The following ACMSD variants were observed in gnomAD, a reference collection of about 807,000 sequenced individuals.
The protein encoded by ACMSD is 2-amino-3-carboxymuconate-6-semialdehyde decarboxylase.
ACMSD carries 37 observed loss-of-function variants against 45.9 expected under a neutral mutation model. That is an observed-to-expected ratio of 0.81 (90% CI 0.62 to 1.06). ACMSD has a LOEUF of 1.06. Among genes scored for constraint, ACMSD ranks in the 50% least tolerant of loss-of-function variants. The pLI, the probability that ACMSD is intolerant of heterozygous loss-of-function variation, is 0.00. For synonymous variants in ACMSD, 138 were observed against 148.8 expected (o/e 0.93, Z 0.53); for missense variants, 434 against 420.9 (o/e 1.03, Z -0.27).
At chr2:134,875,897 C>G (rs923662818) in intron 8 of ACMSD, among the ~76,000 whole-genome samples, 2 of 152,192 alleles carry the variant, frequency 1.3e-5, no homozygotes, top group South Asian at 4.1e-4. Context: ...TGCCCTTACA[C>G]AAACTTTTAT....
chr2:134,863,790 C>A (rs1039992997), intron 5 of ACMSD, among the ~76,000 whole-genome samples, 159 bp downstream of exon 5: 1 of 152,026 alleles, frequency 6.6e-6, no homozygotes, highest in Non-Finnish European at 1.5e-5. Context: ...GAAATAGCCC[C>A]CGCAAAGGAG....
rs936514207 is a variant in ACMSD, at chr2:134,889,882, A to G, written c.850-8459A>G. Among the ~76,000 whole-genome samples the G allele has an allele frequency of 7.2e-5, 11 of 152,250 alleles. No individual in the cohort carries two copies. In the South Asian group the frequency reaches 1.9e-3, roughly 26 times the overall value. On this transcript the variant is annotated intron_variant, in intron 8 of 9. Transcript: ENST00000356140. Reference sequence around the variant, plus strand: ...GAATTATAACCAATTGGATAAAATTAAGTCCATGAGTCCAAAATGATATAA... The same window carrying G: ...GAATTATAACCAATTGGATAAAATTGAGTCCATGAGTCCAAAATGATATAA...
chr2:134,892,755 T>C (rs1201341280), intron 8 of ACMSD, among the ~76,000 whole-genome samples: 1 of 151,994 alleles, frequency 6.6e-6, no homozygotes, highest in Non-Finnish European at 1.5e-5. Flanking sequence ...AGAATGAAGG[T>C]GGATCAAGGT....
intron 7 of ACMSD, among the ~76,000 whole-genome samples, 193 bp from the exon 8 acceptor site, chr2:134,872,276 G>C (rs1315492529): frequency 6.6e-6 from 1 of 152,078 alleles, no homozygotes; most frequent in East Asian, 1.9e-4. Flanking sequence ...TCTTTAAGAT[G>C]AATTTCTCAA....
intron 8 of ACMSD, among the ~76,000 whole-genome samples, chr2:134,885,308 T>C (rs1489952869): frequency 3.1e-5 from 3 of 96,948 alleles, no homozygotes; most frequent in Non-Finnish European, 5.5e-5. Flanking sequence ...TATATTTAAA[T>C]ATATATATAT....
chr2:134,844,145 T>TACTA, intron 1 of ACMSD, among the ~76,000 whole-genome samples: 1 of 152,254 alleles, frequency 6.6e-6, no homozygotes, highest in Non-Finnish European at 1.5e-5. Flanking sequence ...CAATAGTTAT[T>TACTA]TGAGTCATAC....
At chr2:134,883,409 C>T (rs969257423) in intron 8 of ACMSD, among the ~76,000 whole-genome samples, 1 of 152,202 alleles carries the variant, frequency 6.6e-6, no homozygotes, top group Admixed American at 6.5e-5. Context: ...AAGGCCATAT[C>T]ATATGACTCC....
chr2:134,839,289 A>G (rs1686673515), intron 1 of ACMSD, among the ~76,000 whole-genome samples: 1 of 152,212 alleles, frequency 6.6e-6, no homozygotes, highest in South Asian at 2.1e-4. Flanking sequence ...CTGAAGAACT[A>G]GGAAGTAGGT....
intron 8 of ACMSD, among the ~76,000 whole-genome samples, chr2:134,886,769 T>C (rs1482153448): frequency 6.6e-6 from 1 of 152,012 alleles, no homozygotes; most frequent in African/African-American, 2.4e-5. Context: ...CAAGAAAAAG[T>C]AAAAAGGCAT....
At chr2:134,841,950 G>A (rs1240772161) in intron 1 of ACMSD, among the ~76,000 whole-genome samples, 1 of 152,124 alleles carries the variant, frequency 6.6e-6, no homozygotes, top group African/African-American at 2.4e-5. Context: ...TCACCCAGGA[G>A]GCTCATTATT....
intron 7 of ACMSD, 143 bp downstream of exon 7, chr2:134,871,203 T>C (rs1431840033): frequency 4.2e-6 from 3 of 706,682 alleles, no homozygotes; most frequent in Non-Finnish European, 7.1e-6. Flanking sequence ...GGTTGGTTTC[T>C]AGTGAGGGCT....
intron 2 of ACMSD, among the ~76,000 whole-genome samples, chr2:134,851,160 G>T (rs1036521941): frequency 1.3e-5 from 2 of 152,136 alleles, no homozygotes; most frequent in Non-Finnish European, 2.9e-5. Flanking sequence ...GTATTCTATG[G>T]TGTATATGGA....
intron 8 of ACMSD, among the ~76,000 whole-genome samples, chr2:134,897,928 T>A (rs1211138644): frequency 6.6e-6 from 1 of 151,202 alleles, no homozygotes; most frequent in East Asian, 1.9e-4. Flanking sequence ...GTTTTTTATG[T>A]TTCCTTTCCT....
intron 8 of ACMSD, among the ~76,000 whole-genome samples, chr2:134,885,339 A>AT (rs1159624494): frequency 2.8e-5 from 3 of 106,082 alleles, no homozygotes; most frequent in Non-Finnish European, 5.2e-5. Flanking sequence ...GTAAATATAT[A>AT]TTTATATATA....
intron 3 of ACMSD, among the ~76,000 whole-genome samples, chr2:134,860,428 T>A (rs575900888): frequency 7.2e-5 from 11 of 152,272 alleles, no homozygotes; most frequent in African/African-American, 2.2e-4. Flanking sequence ...TGGGCTGTGA[T>A]GGGGAACTGA....
intron 1 of ACMSD, chr2:134,844,386 T>C (rs1686955481): frequency 6.6e-6 from 1 of 152,212 alleles, no homozygotes. Flanking sequence ...AGGATTCAGA[T>C]GCAAGTAGTT....
intron 8 of ACMSD, among the ~76,000 whole-genome samples, chr2:134,885,928 C>A (rs1689414083): frequency 6.6e-6 from 1 of 152,258 alleles, no homozygotes; most frequent in Middle Eastern, 3.4e-3. Flanking sequence ...AGTTCTGCCC[C>A]CACAAAGGTT....
At chr2:134,897,764 T>C (rs978358543) in intron 8 of ACMSD, among the ~76,000 whole-genome samples, 12 of 152,128 alleles carry the variant, frequency 7.9e-5, no homozygotes, top group African/African-American at 2.9e-4. Context: ...TTGTATAAAG[T>C]GTCAAATGGA....
intron 8 of ACMSD, among the ~76,000 whole-genome samples, chr2:134,895,520 CTTT>C (rs1004670281): frequency 6.8e-6 from 1 of 146,130 alleles, no homozygotes; most frequent in South Asian, 2.2e-4. Flanking sequence ...TTCCAGATGT[CTTT>C]TTTTTTTGGC....
Sources: gnomAD v4.1 joint callset for allele counts (sites outside exome capture counted in the v4.1 genomes callset) on GRCh38, gnomAD v4.1.1 for gene constraint, MANE v1.5 for transcripts, NCBI Gene and HGNC (gene_info 2026-07-23, HGNC 2026-07-21) for gene names.